The following SHISA6 variants were observed in gnomAD, a reference collection of about 807,000 sequenced individuals.
The protein encoded by SHISA6 is protein shisa-6.
Under a neutral mutation model 47.9 loss-of-function variants are expected in SHISA6, and 22 were observed. The observed-to-expected ratio is 0.46, with a 90% confidence interval of 0.33 to 0.66. The LOEUF (loss-of-function observed/expected upper bound fraction) is 0.66, where lower values mean the gene tolerates loss of function less well. Among genes scored for constraint, SHISA6 ranks in the 30% least tolerant of loss-of-function variants. The pLI, the probability that SHISA6 is intolerant of heterozygous loss-of-function variation, is 0.02. For missense variants in SHISA6, 680 were observed against 764.6 expected (o/e 0.89, Z 1.30); for synonymous variants, 388 against 337.8 (o/e 1.15, Z -1.63).
chr17:11,309,818 A>T (rs1411365579), intron 2 of SHISA6, among the ~76,000 whole-genome samples: 3 of 152,168 alleles, frequency 2.0e-5, no homozygotes, highest in African/African-American at 7.2e-5. Flanking sequence ...TCTGTGCTTT[A>T]TCTTGATTTT....
intron 3 of SHISA6, among the ~76,000 whole-genome samples, chr17:11,446,357 T>C (rs1368709257): frequency 1.3e-5 from 2 of 152,170 alleles, no homozygotes; most frequent in Non-Finnish European, 2.9e-5. Context: ...GACCTTCATC[T>C]ATGGTGGAAT....
At chr17:11,369,914 G>C (rs1912577814) in intron 2 of SHISA6, among the ~76,000 whole-genome samples, 1 of 152,196 alleles carries the variant, frequency 6.6e-6, no homozygotes, top group African/African-American at 2.4e-5. Context: ...ACTGTGGGCT[G>C]CTAGGCACAT....
chr17:11,397,382 C>G (rs187030821), intron 3 of SHISA6, among the ~76,000 whole-genome samples: 1 of 120,572 alleles, frequency 8.3e-6, no homozygotes, highest in Non-Finnish European at 1.7e-5. Context: ...AATGTCTACT[C>G]TCTTACCTGC....
At chr17:11,407,297 G>A (rs1185423745) in intron 3 of SHISA6, among the ~76,000 whole-genome samples, 1 of 151,958 alleles carries the variant, frequency 6.6e-6, no homozygotes, top group Non-Finnish European at 1.5e-5. Context: ...TTGGGACCAG[G>A]TAGATTAGGA....
At chr17:11,404,278 T>C (rs1348565553) in intron 3 of SHISA6, among the ~76,000 whole-genome samples, 1 of 152,046 alleles carries the variant, frequency 6.6e-6, no homozygotes, top group East Asian at 1.9e-4. Flanking sequence ...ACTGAGAGAG[T>C]CTATTGGCAA....
chr17:11,267,451 A>C (rs1908467966), intron 2 of SHISA6, among the ~76,000 whole-genome samples: 1 of 152,220 alleles, frequency 6.6e-6, no homozygotes, highest in African/African-American at 2.4e-5. Context: ...CCCTTGTCAC[A>C]CATTGGAGTT....
At chr17:11,293,211 G>A (rs985929802) in intron 2 of SHISA6, among the ~76,000 whole-genome samples, 3 of 152,120 alleles carry the variant, frequency 2.0e-5, no homozygotes, top group Admixed American at 2.0e-4. Context: ...TCTAAAGATG[G>A]CCAATATGGA....
chr17:11,372,157 G>A (rs1377526561), intron 2 of SHISA6, among the ~76,000 whole-genome samples: 2 of 152,146 alleles, frequency 1.3e-5, no homozygotes, highest in Non-Finnish European at 2.9e-5. Context: ...CAGCTGCATA[G>A]TATTCCATCA....
intron 2 of SHISA6, among the ~76,000 whole-genome samples, chr17:11,336,552 C>T (rs1266287221): frequency 6.6e-6 from 1 of 152,156 alleles, no homozygotes; most frequent in Non-Finnish European, 1.5e-5. Flanking sequence ...CTCACTCTGA[C>T]CCTGTGACAA....
At chr17:11,344,766 T>G (rs1911642712) in intron 2 of SHISA6, among the ~76,000 whole-genome samples, 1 of 152,220 alleles carries the variant, frequency 6.6e-6, no homozygotes, top group Non-Finnish European at 1.5e-5. Flanking sequence ...CTCAAACATT[T>G]AATATTTATT....
chr17:11,496,496 T>C (rs1040262625), intron 3 of SHISA6, among the ~76,000 whole-genome samples: 1 of 151,978 alleles, frequency 6.6e-6, no homozygotes, highest in Non-Finnish European at 1.5e-5. Context: ...TCCCAACACT[T>C]TGGGAGGCTG....
In SHISA6 at chr17:11,558,473, C is replaced by A; in HGVS notation, c.*169C>A. The A allele has an allele frequency of 1.4e-6, 1 of 704,238 alleles. No homozygotes were observed. Among genetic ancestry groups the A allele is most frequent in the Non-Finnish European group, 2.3e-6 (1 of 430,386 alleles). 43.6% of individuals were successfully genotyped at this position (704,238 alleles called of 1,614,324 possible). ...AGCCATACCCCCGGGGACACAGCCC[C>A]GATGGCCTGGTCCAATACACTTAGA... On this transcript the variant is annotated 3_prime_UTR_variant, in exon 6 of 6. Transcript: ENST00000441885.
chr17:11,350,174 A>ATTTTTTTTTTTTTTTTTTTTT (rs1310542458), intron 2 of SHISA6, among the ~76,000 whole-genome samples: 1 of 100,386 alleles, frequency 1.0e-5, no homozygotes, highest in African/African-American at 4.2e-5. Context: ...TTATTTATTT[A>ATTTTTTTTTTTTTTTTTTTTT]TTTATTTATT....
intron 3 of SHISA6, among the ~76,000 whole-genome samples, chr17:11,436,658 C>T (rs751705722): frequency 1.3e-5 from 2 of 152,312 alleles, no homozygotes; most frequent in South Asian, 2.1e-4. Flanking sequence ...ATGAACTTCA[C>T]TATATCTTCA....
chr17:11,277,276 TCTCTCACACACA>T (rs1225697545), intron 2 of SHISA6, among the ~76,000 whole-genome samples: 16 of 62,702 alleles, frequency 2.6e-4, no homozygotes, highest in African/African-American at 8.4e-4. Flanking sequence ...TCTCTCTCTC[TCTCTCACACACA>T]CACACACACA....
At chr17:11,479,167 A>G (rs1374760459) in intron 3 of SHISA6, among the ~76,000 whole-genome samples, 3 of 152,072 alleles carry the variant, frequency 2.0e-5, no homozygotes, top group African/African-American at 4.8e-5. Flanking sequence ...CACTTCAAAA[A>G]TAGTTTGATG....
chr17:11,446,429 C>T (rs564719395), intron 3 of SHISA6, among the ~76,000 whole-genome samples: 1 of 152,344 alleles, frequency 6.6e-6, no homozygotes, highest in African/African-American at 2.4e-5. Flanking sequence ...CTCTCTGGCC[C>T]TGCCGCCTCT....
chr17:11,325,976 T>G (rs1247489714), intron 2 of SHISA6, among the ~76,000 whole-genome samples: 1 of 152,166 alleles, frequency 6.6e-6, no homozygotes, highest in East Asian at 1.9e-4. Flanking sequence ...AATGCAGTAC[T>G]AAAGGCCCTA....
At position 11,543,921 on chromosome 17, in the gene SHISA6, A is replaced by C. The variant is rs1040231710; in HGVS notation, c.896-7975A>C. 5.5e-4 allele frequency among the ~76,000 whole-genome samples: 83 copies of C among 150,280 alleles called. 1 individual carries two copies. The highest frequency in any genetic ancestry group is 6.9e-4 in the Non-Finnish European group (47 of 67,656). Reference sequence around the variant, plus strand: ...TGGATATTTATAAGCAAAAAAAAAAAAAAAACAAAAAAAAGAACTTCAATG... The same window carrying C: ...TGGATATTTATAAGCAAAAAAAAAACAAAAACAAAAAAAAGAACTTCAATG... On this transcript the variant is annotated intron_variant, in intron 3 of 5. Transcript: ENST00000441885.
Sources: allele counts gnomAD v4.1 joint callset (sites outside exome capture counted in the v4.1 genomes callset), GRCh38; gene constraint gnomAD v4.1.1; transcripts MANE v1.5; gene names NCBI Gene and HGNC (gene_info 2026-07-23, HGNC 2026-07-21).